ABHD3: variants seen among roughly 807,000 people sequenced by gnomAD.
The protein encoded by ABHD3 is abhydrolase domain containing 3, phospholipase, also known as phospholipase ABHD3.
Under a neutral mutation model 48.8 loss-of-function variants are expected in ABHD3, and 46 were observed. The ratio of observed to expected loss-of-function variants is 0.94; its 90% CI spans 0.74 to 1.20. The LOEUF (loss-of-function observed/expected upper bound fraction) is 1.20, where lower values mean the gene tolerates loss of function less well. Ranked by LOEUF, ABHD3 falls within the 50% of genes most tolerant of loss-of-function variation. The pLI is 0.00. For missense variants in ABHD3, 490 were observed against 497.8 expected (o/e 0.98, Z 0.15); for synonymous variants, 192 against 183.7 (o/e 1.04, Z -0.36).
chr18:21,688,512 G>A (rs1440266213), intron 3 of ABHD3, among the ~76,000 whole-genome samples: 1 of 151,122 alleles, frequency 6.6e-6, no homozygotes, highest in Non-Finnish European at 1.5e-5. Context: ...CTGAACTAAA[G>A]ATTGAGTTAG....
chr18:21,665,926 G>A (rs1442183940), intron 4 of ABHD3, among the ~76,000 whole-genome samples: 2 of 152,194 alleles, frequency 1.3e-5, no homozygotes, highest in South Asian at 2.1e-4. Flanking sequence ...AGTGCTGTCT[G>A]CCAATGAAAG....
chr18:21,684,311 C>CTTTTTTTTT (rs564516602), intron 3 of ABHD3, among the ~76,000 whole-genome samples: 28 of 82,814 alleles, frequency 3.4e-4, no homozygotes, highest in Middle Eastern at 0.011. Flanking sequence ...AATGTTTTTG[C>CTTTTTTTTT]TTTTTTTTTT....
At chr18:21,652,824 G>GCCC (rs1428618640) in intron 8 of ABHD3, among the ~76,000 whole-genome samples, 2 of 151,434 alleles carry the variant, frequency 1.3e-5, no homozygotes, top group African/African-American at 4.9e-5. Context: ...GGAGGCTGAG[G>GCCC]CAGGTGGATG....
Position 21,659,275 on chromosome 18 carries a change from G to T in ABHD3, c.737C>A (p.Ser246Tyr). ...KTPLMAAATF[S>Y]VGWNTFACSE... is the part of the protein sequence containing the mutation. ...GCAAGCGAAGGTGTTCCAACCAACG[G>T]AAAAAGTTGCAGCTGCCATCAAAGG... Residue 246 changes from serine to tyrosine, a missense_variant, in exon 6 of 9, where the codon TCC becomes TAC. Transcript: ENST00000289119. 1 of 1,613,746 alleles carries T rather than the reference G, an allele frequency of 6.2e-7. No individual in the cohort carries two copies.
intron 3 of ABHD3, among the ~76,000 whole-genome samples, chr18:21,700,597 A>T (rs534714761): frequency 8.7e-5 from 13 of 150,278 alleles, no homozygotes; most frequent in African/African-American, 1.2e-4. Context: ...ACGAGGTTTC[A>T]CCATGTTGGC....
chr18:21,655,359 C>T (rs1390669827), intron 8 of ABHD3, among the ~76,000 whole-genome samples: 1 of 150,564 alleles, frequency 6.6e-6, no homozygotes, highest in African/African-American at 2.5e-5. Context: ...ACGATCTCAG[C>T]TCACTGCAAC....
At chr18:21,680,858 G>A (rs60162980) in intron 4 of ABHD3, among the ~76,000 whole-genome samples, 219 of 59,366 alleles carry the variant, frequency 3.7e-3, no homozygotes, top group Middle Eastern at 0.03. Context: ...TCAAATGTGT[G>A]TGTGTGTGTG....
At chr18:21,700,842 A>AAG (rs1448498662) in intron 3 of ABHD3, among the ~76,000 whole-genome samples, 4 of 150,334 alleles carry the variant, frequency 2.7e-5, no homozygotes, top group Middle Eastern at 3.2e-3. Flanking sequence ...AAAAAAAAAA[A>AAG]AAAAAAATGG....
chr18:21,694,132 T>C (rs1453873131), intron 3 of ABHD3, among the ~76,000 whole-genome samples: 4 of 152,282 alleles, frequency 2.6e-5, no homozygotes, highest in African/African-American at 9.6e-5. Flanking sequence ...TTTTTGAGAC[T>C]AAGTCTCGCT....
In ABHD3 at chr18:21,659,214, A is replaced by T. The variant is rs1242001436; in HGVS notation, c.798T>A (p.Leu266=). The T allele has an allele frequency of 5.6e-6, 9 of 1,613,736 alleles. No individual in the cohort carries two copies. In the Admixed American group the frequency reaches 1.3e-4, roughly 24 times the overall value. Residue 266 remains leucine (L), a synonymous_variant, in exon 6 of 9, where the codon CTT becomes CTA. Transcript: ENST00000289119. ...ESLEKPLNWL[L]FNYYLTTCLQ... is the part of the protein sequence containing the mutation. ...GGCAGGTTGTCAAATAGTAATTAAA[A>T]AGTAGCCAGTTCAGTGGTTTTTCCA...
chr18:21,666,284 C>T (rs927473036), intron 4 of ABHD3, among the ~76,000 whole-genome samples: 15 of 152,232 alleles, frequency 9.9e-5, no homozygotes, highest in Middle Eastern at 3.4e-3. Flanking sequence ...ACCTCTGCCT[C>T]GCGGGTTCAA....
chr18:21,691,020 A>T (rs1598554722), intron 3 of ABHD3, among the ~76,000 whole-genome samples: 1 of 148,238 alleles, frequency 6.7e-6, no homozygotes, highest in African/African-American at 2.5e-5. Context: ...AAAAAAAAAG[A>T]GCAAGATCTA....
chr18:21,685,766 C>T (rs1206222531), intron 3 of ABHD3, among the ~76,000 whole-genome samples: 3 of 152,264 alleles, frequency 2.0e-5, no homozygotes, highest in South Asian at 2.1e-4. Context: ...GACATGATCT[C>T]GGCTCAATGC....
intron 8 of ABHD3, among the ~76,000 whole-genome samples, chr18:21,653,200 A>G (rs779422988): frequency 6.7e-6 from 1 of 149,078 alleles, no homozygotes; most frequent in Non-Finnish European, 1.5e-5. Flanking sequence ...CATCTCTACT[A>G]AAAATACAAA....
In ABHD3 at chr18:21,703,598, C is replaced by T. The variant is rs768868084; in HGVS notation, c.312G>A (p.Pro104=). ...AATTCACTTACTTCCTGTACTGCAC[C>T]GGGGGCTTCGAAGTGATGAAAGGTC... ...LLRPFITSKP[P]VQYRNELIKT... The change falls in exon 2 of 9, where the codon CCG becomes CCA. Residue 104 remains proline (P), a synonymous_variant. Coordinates refer to ENST00000289119, the MANE Select transcript of ABHD3 (RefSeq NM_138340.5). 3 of 1,612,798 alleles carry T rather than the reference C, an allele frequency of 1.9e-6. No homozygotes were observed. Among genetic ancestry groups the T allele is most frequent in the African/African-American group, 1.3e-5 (1 of 74,874 alleles).
At chr18:21,659,962 CTTTTTT>C (rs60634505) in intron 5 of ABHD3, among the ~76,000 whole-genome samples, 1 of 73,860 alleles carries the variant, frequency 1.4e-5, no homozygotes, top group African/African-American at 7.9e-5. Context: ...TGCACCCGGC[CTTTTTT>C]TTTTTTTTTT....
intron 3 of ABHD3, among the ~76,000 whole-genome samples, chr18:21,695,768 C>T (rs2040355960): frequency 6.6e-6 from 1 of 152,266 alleles, no homozygotes; most frequent in Admixed American, 6.5e-5. Context: ...TATACCGTCA[C>T]TACTATTTTG....
In ABHD3 at chr18:21,704,626, C is replaced by A; in HGVS notation, c.40G>T (p.Glu14Ter). ...TGGTGTTCCAGGTAGAGGGAGAGCTCCCGGGACAACATCCGCAGGTCCATG... is the reference window on the plus strand; with the variant it reads ...TGGTGTTCCAGGTAGAGGGAGAGCTACCGGGACAACATCCGCAGGTCCATG... ...LAMDLRMLSR[E>*]LSLYLEHQVR... The change falls in exon 1 of 9, where the codon GAG becomes TAG. Residue 14 changes from glutamate (E) to a stop codon, truncating the protein, a stop_gained. Transcript: ENST00000289119. LOFTEE classifies it high-confidence loss of function. 6.5e-7 allele frequency: 1 copy of A among 1,547,542 alleles called. No homozygotes were observed. The highest frequency in any genetic ancestry group is 8.7e-7 in the Non-Finnish European group (1 of 1,149,874).
intron 4 of ABHD3, 141 bp downstream of exon 4, chr18:21,683,779 T>C (rs1293076732): frequency 1.2e-6 from 1 of 804,506 alleles, no homozygotes; most frequent in East Asian, 3.2e-5. Flanking sequence ...TTCCTTTTTT[T>C]CCATATCTGT....
Sources: gnomAD v4.1 joint callset for allele counts (sites outside exome capture counted in the v4.1 genomes callset) on GRCh38, gnomAD v4.1.1 for gene constraint, MANE v1.5 for transcripts, NCBI Gene and HGNC (gene_info 2026-07-23, HGNC 2026-07-21) for gene names.